Variants in TENM3 observed in about 807,000 individuals in gnomAD.
TENM3 encodes teneurin-3.
Under a neutral mutation model 255.1 loss-of-function variants are expected in TENM3, and 63 were observed. The observed-to-expected ratio is 0.25, with a 90% CI of 0.20 to 0.30. TENM3 has a LOEUF of 0.30. Ranked by LOEUF, TENM3 falls within the 10% of genes least tolerant of loss-of-function variation. The probability of loss-of-function intolerance (pLI) is 1.00; values close to 1 mark genes in which losing one functional copy is unlikely to be tolerated. For missense variants in TENM3, 2,929 were observed against 3,461.1 expected, an observed-to-expected ratio of 0.85 and a Z score of 3.86; for synonymous variants, 1,306 against 1,322.3, an observed-to-expected ratio of 0.99 and a Z score of 0.27.
At chr4:181,772,745 A>C in the TENM3 span, among the ~76,000 whole-genome samples, 2 of 152,184 alleles carry the variant, frequency 1.3e-5, no homozygotes, top group African/African-American at 4.8e-5. Context: ...TCACGTCATC[A>C]TCAGCTGGTA....
the TENM3 span, among the ~76,000 whole-genome samples, chr4:181,776,824 T>C: frequency 6.6e-6 from 1 of 152,154 alleles, no homozygotes; most frequent in Non-Finnish European, 1.5e-5. Flanking sequence ...AGCCTGGATA[T>C]ATTAATCCCT....
intron 3 of TENM3, among the ~76,000 whole-genome samples, chr4:182,382,918 A>G (rs992585584): frequency 3.3e-5 from 5 of 152,152 alleles, no homozygotes; most frequent in Admixed American, 6.5e-5. Context: ...CGGTTCTTAC[A>G]GTTTTAGTTC....
the TENM3 span, among the ~76,000 whole-genome samples, chr4:181,585,443 C>G: frequency 8.5e-5 from 13 of 152,272 alleles, no homozygotes; most frequent in East Asian, 2.3e-3. Context: ...AGAAAATTCA[C>G]TGAACTACTG....
rs531843162 is a variant in TENM3 at position 182,774,266 on chromosome 4, A to AT, written c.5068+627dup. ...AAATCTGTATTCAACTTTTTGACTC[A>AT]TTTTTTTTACCTGTTCCATGAAGTA... On this transcript the variant is annotated intron_variant, in intron 23 of 27. Transcript: ENST00000511685. Among the ~76,000 whole-genome samples the AT allele has an allele frequency of 5.2e-3, 798 of 152,070 alleles. 6 individuals carry two copies. Among genetic ancestry groups the AT allele is most frequent in the African/African-American group, 0.018 (734 of 41,502 alleles).
chr4:181,960,921 C>T, the TENM3 span, among the ~76,000 whole-genome samples: 6 of 152,280 alleles, frequency 3.9e-5, no homozygotes, highest in South Asian at 1.2e-3. Context: ...ATACCACCGG[C>T]TGATCACACA....
chr4:181,627,482 C>A, the TENM3 span, among the ~76,000 whole-genome samples: 4 of 152,022 alleles, frequency 2.6e-5, no homozygotes. Flanking sequence ...TTTTACCTAC[C>A]CCCTACCCCC....
At chr4:182,074,620 A>G in the TENM3 span, among the ~76,000 whole-genome samples, 10 of 152,218 alleles carry the variant, frequency 6.6e-5, no homozygotes, top group Non-Finnish European at 1.3e-4. Flanking sequence ...AAAGATGGAA[A>G]CTACAAGATT....
At chr4:182,442,018 A>AG (rs1772529731) in intron 3 of TENM3, among the ~76,000 whole-genome samples, 1 of 152,210 alleles carries the variant, frequency 6.6e-6, no homozygotes, top group Non-Finnish European at 1.5e-5. Context: ...AATGCAGAAG[A>AG]GGGGCCCATA....
chr4:182,625,925 C>G (rs1442072818), intron 4 of TENM3, among the ~76,000 whole-genome samples: 1 of 152,128 alleles, frequency 6.6e-6, no homozygotes, highest in African/African-American at 2.4e-5. Context: ...TAGCCCTGTT[C>G]CTTACTTTTT....
At chr4:181,697,613 C>G in the TENM3 span, among the ~76,000 whole-genome samples, 1 of 151,906 alleles carries the variant, frequency 6.6e-6, no homozygotes, top group African/African-American at 2.4e-5. Context: ...AGGATGGTCT[C>G]GATCTCCTGA....
At chr4:181,740,755 G>A in the TENM3 span, among the ~76,000 whole-genome samples, 1 of 151,886 alleles carries the variant, frequency 6.6e-6, no homozygotes, top group Non-Finnish European at 1.5e-5. Flanking sequence ...ATCTAGGGGG[G>A]ACCACCATGA....
chr4:182,578,076 A>G (rs1483565346), intron 3 of TENM3, among the ~76,000 whole-genome samples: 1 of 151,866 alleles, frequency 6.6e-6, no homozygotes, highest in Non-Finnish European at 1.5e-5. Flanking sequence ...TCCCAGGTTC[A>G]AGCAATTCTC....
At chr4:182,724,097 GAAGA>G (rs1259167964) in intron 13 of TENM3, among the ~76,000 whole-genome samples, 1 of 152,220 alleles carries the variant, frequency 6.6e-6, no homozygotes, top group Non-Finnish European at 1.5e-5. Context: ...AGCCTAAACA[GAAGA>G]AAGACAGGCT....
At chr4:181,940,853 A>G in the TENM3 span, among the ~76,000 whole-genome samples, 1 of 152,208 alleles carries the variant, frequency 6.6e-6, no homozygotes, top group East Asian at 1.9e-4. Context: ...AGAGTATTAC[A>G]GTCTCCCAGG....
At chr4:181,791,044 A>T in the TENM3 span, among the ~76,000 whole-genome samples, 1 of 152,214 alleles carries the variant, frequency 6.6e-6, no homozygotes, top group African/African-American at 2.4e-5. Context: ...CATGTACAGA[A>T]TACACTGGAA....
intron 12 of TENM3, chr4:182,707,902 AGGTGGAACTGCCT>A (rs1758407183): frequency 6.6e-6 from 1 of 152,228 alleles, no homozygotes; most frequent in Non-Finnish European, 1.5e-5. Context: ...ATGTAAAAGA[AGGTGGAACTGCCT>A]GGTGGCTTTG....
Position 182,163,274 on chromosome 4 carries a change from C to G in TENM3, c.-76+18520C>G, listed in dbSNP as rs146749254. ...CTCCAATCCATTTTTCTAGATTGCC[C>G]CTGGAGAGTTTGCCTCCTAAAATCC... On this transcript the variant is annotated intron_variant, in intron 1 of 2. Transcript: ENST00000512480. Among the ~76,000 whole-genome samples, 201 of 152,204 alleles carry G rather than the reference C, an allele frequency of 1.3e-3. 1 individual carries two copies. The highest frequency in any genetic ancestry group is 4.6e-3 in the African/African-American group (192 of 41,522).
the TENM3 span, among the ~76,000 whole-genome samples, chr4:181,691,608 C>T: frequency 0.024 from 3,674 of 152,038 alleles, 139 homozygotes; most frequent in African/African-American, 0.084. Flanking sequence ...ACAAATAAAT[C>T]CTGCAATAGG....
chr4:182,546,578 G>A (rs1741475134), intron 3 of TENM3, among the ~76,000 whole-genome samples: 1 of 151,672 alleles, frequency 6.6e-6, no homozygotes, highest in Non-Finnish European at 1.5e-5. Flanking sequence ...TGGGAGTACA[G>A]GCATGAGCCA....
Sources: allele counts gnomAD v4.1 joint callset (sites outside exome capture counted in the v4.1 genomes callset), GRCh38; gene constraint gnomAD v4.1.1; transcripts MANE v1.5; gene names NCBI Gene and HGNC (gene_info 2026-07-23, HGNC 2026-07-21).